HMCN2: variants seen among roughly 807,000 people sequenced by gnomAD.
HMCN2 encodes the protein hemicentin 2.
In HMCN2, 325 loss-of-function variants were observed where a neutral mutation model predicts 377.5. The ratio of observed to expected loss-of-function variants is 0.86; its 90% CI spans 0.79 to 0.94. The LOEUF (loss-of-function observed/expected upper bound fraction) is 0.94, where lower values mean the gene tolerates loss of function less well. Ranked by LOEUF, HMCN2 falls within the 40% of genes least tolerant of loss-of-function variation. The pLI is 0.00. For synonymous variants in HMCN2, 2,007 were observed against 2,046.8 expected, an observed-to-expected ratio of 0.98 and a Z score of 0.53; for missense variants, 4,543 against 4,725.3, an observed-to-expected ratio of 0.96 and a Z score of 1.13.
chr9:130,317,002 G>A (rs994274295), intron 15 of HMCN2, among the ~76,000 whole-genome samples: 3 of 152,148 alleles, frequency 2.0e-5, no homozygotes, highest in African/African-American at 7.2e-5. Flanking sequence ...AGGGATGGCT[G>A]CACAGACCCA....
In HMCN2 at chr9:130,343,210, CT is replaced by C. The variant is rs1206503898; in HGVS notation, c.3829+776del. ...TCAGCCCCCGCCACTGCCTCAGTTGCTTCTTTCGGCGTTGGGCTCCTGCATG... is the reference window on the plus strand; with the variant it reads ...TCAGCCCCCGCCACTGCCTCAGTTGCTCTTTCGGCGTTGGGCTCCTGCATG... On this transcript the variant is annotated intron_variant, in intron 25 of 97. Transcript: ENST00000683500. Among the ~76,000 whole-genome samples the C allele has an allele frequency of 4.6e-5, 7 of 152,330 alleles. No individual in the cohort carries two copies. In the East Asian group the frequency reaches 7.7e-4, roughly 17 times the overall value.
At position 130,351,436 on chromosome 9, in the gene HMCN2, G is replaced by A. The variant is rs757085886; in HGVS notation, c.4444G>A (p.Gly1482Arg). The A allele has an allele frequency of 2.3e-6, 3 of 1,304,108 alleles. No homozygotes were observed. Among genetic ancestry groups the A allele is most frequent in the Non-Finnish European group, 3.0e-6 (3 of 988,864 alleles). The allele number at this position is 1,304,108 out of a possible 1,614,324, so 80.8% of individuals were successfully genotyped here. ...WTKDRQPVLP[G>R]GPHLQVQEDG... ...CCGTCTCTCCAGGCCTGTCCTTCCG[G>A]GAGGCCCTCACCTGCAGGTCCAGGA... Residue 1482 changes from glycine to arginine, a missense_variant, in exon 30 of 98, where the codon GGA becomes AGA. Coordinates refer to ENST00000683500, the MANE Select transcript of HMCN2 (RefSeq NM_001291815.2). This position sits in a 1 kb window ranked among gnomAD's most constrained non-coding sequence, Gnocchi z 5.4.
rs907523575 is a variant in HMCN2, at chr9:130,404,788, G to A, written c.12149-81G>A. On this transcript the variant is annotated intron_variant, in intron 80 of 97. Coordinates refer to ENST00000683500, the MANE Select transcript of HMCN2 (RefSeq NM_001291815.2). Reference sequence around the variant, plus strand: ...GATGGCCAGGGAGGGCTGAAGGGCTGGGCCAAAGGCCAAGGGCCCCAGGAT... The same window carrying A: ...GATGGCCAGGGAGGGCTGAAGGGCTAGGCCAAAGGCCAAGGGCCCCAGGAT... 14 of 1,024,224 alleles carry A rather than the reference G, an allele frequency of 1.4e-5. No homozygotes were observed. The African/African-American group carries it at 2.4e-4, about 17-fold the overall frequency. The allele number at this position is 1,024,224 out of a possible 1,614,324, so 63.4% of individuals were successfully genotyped here.
intron 85 of HMCN2, among the ~76,000 whole-genome samples, chr9:130,416,096 C>CTTT (rs1554972499): frequency 3.3e-5 from 3 of 91,900 alleles, no homozygotes; most frequent in Admixed American, 1.2e-4. Context: ...GTTCTAGAGG[C>CTTT]TTTATTTTTT....
Position 130,406,132 on chromosome 9 carries a change from C to T in HMCN2, c.12517C>T (p.Arg4173Cys), listed in dbSNP as rs1028223832. Residue 4173 changes from arginine to cysteine, a missense_variant, in exon 82 of 98, where the codon CGC becomes TGC. Physicochemically the swap from Arg to Cys is radical, Grantham distance 180. Transcript: ENST00000683500. ...RCAARGSPTPRIGWTVNDRPV... is the reference protein window; with the variant it reads ...RCAARGSPTPCIGWTVNDRPV... ...TGCAGCCCGGGGCAGCCCCACCCCT[C>T]GCATTGGCTGGACTGTCAACGACCG... The T allele has an allele frequency of 2.6e-5, 34 of 1,289,724 alleles. No homozygotes were observed. Among genetic ancestry groups the T allele is most frequent in the Non-Finnish European group, 3.1e-5 (31 of 988,872 alleles). 79.9% of individuals were successfully genotyped at this position (1,289,724 alleles called of 1,614,324 possible). A position where few individuals can be genotyped will look rare whatever the true frequency, so the allele number is the denominator to read the frequency against.
intron 34 of HMCN2, among the ~76,000 whole-genome samples, chr9:130,356,551 T>C (rs1840036928): frequency 6.6e-6 from 1 of 152,246 alleles, no homozygotes; most frequent in African/African-American, 2.4e-5. Flanking sequence ...CCTCTTTCTC[T>C]TGTCTTCGTC....
At chr9:130,305,114 G>A in intron 11 of HMCN2, 112 bp downstream of exon 11, 3 of 383,620 alleles carry the variant, frequency 7.8e-6, no homozygotes, top group South Asian at 5.7e-5. Flanking sequence ...GCAGGCAATA[G>A]CAGCCTTTTC....
chr9:130,283,711 G>A (rs1253104893), intron 1 of HMCN2, among the ~76,000 whole-genome samples: 6 of 152,022 alleles, frequency 3.9e-5, no homozygotes, highest in African/African-American at 7.3e-5. Flanking sequence ...GGCTTCTCTC[G>A]CGTGGGAGGT....
intron 85 of HMCN2, among the ~76,000 whole-genome samples, chr9:130,410,973 T>C (rs1843376873): frequency 6.6e-6 from 1 of 152,180 alleles, no homozygotes; most frequent in South Asian, 2.1e-4. Flanking sequence ...AGCCTCAGAA[T>C]AACACTGTGA....
intron 93 of HMCN2, 132 bp from the exon 94 acceptor site, chr9:130,429,425 T>C: frequency 8.5e-7 from 1 of 1,172,132 alleles, no homozygotes; most frequent in Non-Finnish European, 1.2e-6. Flanking sequence ...AGGGCGGCCA[T>C]GCAGCCTGGT....
intron 41 of HMCN2, 147 bp downstream of exon 41, chr9:130,365,036 T>A: frequency 2.9e-6 from 1 of 342,950 alleles, no homozygotes; most frequent in Non-Finnish European, 4.1e-6. Flanking sequence ...CCTCGGGGCC[T>A]CCCTCAGGGC....
In HMCN2 at chr9:130,384,358, T is replaced by A; in HGVS notation, c.8831-15T>A. On this transcript the variant is annotated splice_polypyrimidine_tract_variant and intron_variant, in intron 57 of 97. Transcript: ENST00000683500. ...ATTCTCATGCCTTTCTCTACCGTGG[T>A]GGCTGTGGGGATAGTCCCGCCACGA... 1 of 1,286,894 alleles carries A rather than the reference T, an allele frequency of 7.8e-7. No individual in the cohort carries two copies. The highest frequency in any genetic ancestry group is 1.0e-6 in the Non-Finnish European group (1 of 978,102). 79.7% of individuals were successfully genotyped at this position (1,286,894 alleles called of 1,614,324 possible).
In HMCN2 at chr9:130,425,749, C is replaced by T; in HGVS notation, c.13704C>T (p.Arg4568=). ...PGQLFVGSTQ[R]FFQGGLPSFL... Reference sequence around the variant, plus strand: ...AGCTGTTCGTGGGCTCCACACAGCGCTTCTTCCAGGGCGGCCTCCCCTCGT... The same window carrying T: ...AGCTGTTCGTGGGCTCCACACAGCGTTTCTTCCAGGGCGGCCTCCCCTCGT... The change falls in exon 90 of 98, where the codon CGC becomes CGT. Residue 4568 remains arginine (R), a synonymous_variant. Transcript: ENST00000683500. 6.4e-7 allele frequency: 1 copy of T among 1,550,554 alleles called. No homozygotes were observed. The highest frequency in any genetic ancestry group is 8.7e-7 in the Non-Finnish European group (1 of 1,146,978).
At chr9:130,366,022 C>T (rs1188704877) in intron 43 of HMCN2, 27 bp downstream of exon 43, 1 of 986,024 alleles carries the variant, frequency 1.0e-6, no homozygotes, top group Non-Finnish European at 1.2e-6. Context: ...CACCCAGCCC[C>T]ACCTCATTGC....
rs981871771 is a variant in HMCN2 at position 130,384,762 on chromosome 9, G to A, written c.9070G>A (p.Gly3024Ser). 24 of 1,303,258 alleles carry A rather than the reference G, an allele frequency of 1.8e-5. No individual in the cohort carries two copies. Among genetic ancestry groups the A allele is most frequent in the South Asian group, 7.4e-5 (6 of 81,036 alleles). 80.7% of individuals were successfully genotyped at this position (1,303,258 alleles called of 1,614,324 possible). A position where few individuals can be genotyped will look rare whatever the true frequency, so the allele number is the denominator to read the frequency against. ...MYTCEALNAAGRDQKLVQLSV... is the reference protein window; with the variant it reads ...MYTCEALNAASRDQKLVQLSV... ...CACATGCGAAGCCCTCAATGCTGCC[G>A]GCCGAGACCAGAAGCTGGTGCAGCT... is the stretch of plus-strand genomic sequence containing the variant. The change falls in exon 59 of 98, where the codon GGC becomes AGC. Residue 3024 changes from glycine (G) to serine (S), a missense_variant. By Grantham distance (56) the Gly-to-Ser change is moderately conservative. Around this residue, in one of 5 missense-constraint regions of HMCN2, gnomAD observed 736 missense variants for 773.2 expected, o/e 0.95. Transcript: ENST00000683500.
intron 96 of HMCN2, among the ~76,000 whole-genome samples, chr9:130,432,204 C>T (rs1392475098): frequency 2.6e-5 from 4 of 152,202 alleles, no homozygotes; most frequent in Non-Finnish European, 2.9e-5. Flanking sequence ...GAGGCCCCCA[C>T]GGTGCCCACC....
rs928056828 is a variant in HMCN2 at position 130,320,759 on chromosome 9, G to T, written c.2648-17G>T. ...CAGGGCACCTATTGTGGCTGACACC[G>T]GCTCCTCTCCCCACAGCCCCGCCAC... On this transcript the variant is annotated splice_polypyrimidine_tract_variant and intron_variant, in intron 17 of 97. Transcript: ENST00000683500. 1.3e-5 allele frequency: 2 copies of T among 152,278 alleles called. No homozygotes were observed. The highest frequency in any genetic ancestry group is 2.9e-5 in the Non-Finnish European group (2 of 68,124). The allele number at this position is 152,278 out of a possible 1,614,324, so 9.4% of individuals were successfully genotyped here. A position where few individuals can be genotyped will look rare whatever the true frequency, so the allele number is the denominator to read the frequency against.
chr9:130,397,316 C>T (rs1038063810), intron 73 of HMCN2, among the ~76,000 whole-genome samples: 1 of 152,192 alleles, frequency 6.6e-6, no homozygotes, highest in African/African-American at 2.4e-5. Flanking sequence ...GAAAGACCCG[C>T]CCCCCAATTC....
chr9:130,428,432 C>T lies in HMCN2; in HGVS notation c.14140C>T (p.Arg4714Cys), dbSNP rs976196073. Residue 4714 changes from arginine to cysteine, a missense_variant, in exon 93 of 98, where the codon CGC becomes TGC. By Grantham distance (180) the Arg-to-Cys change is radical (BLOSUM62 -3). Transcript: ENST00000683500. This position sits in a 1 kb window ranked among gnomAD's most constrained non-coding sequence, Gnocchi z 5.0. ...QRCVNLLGSYRCLPDCGPGFR... is the reference protein window; with the variant it reads ...QRCVNLLGSYCCLPDCGPGFR... Reference sequence around the variant, plus strand: ...CTGTGTGAACCTGCTCGGGTCCTACCGCTGCCTCCCCGACTGTGGGCCTGG... The same window carrying T: ...CTGTGTGAACCTGCTCGGGTCCTACTGCTGCCTCCCCGACTGTGGGCCTGG... 6.2e-5 allele frequency: 96 copies of T among 1,546,474 alleles called. No individual in the cohort carries two copies. Among genetic ancestry groups the T allele is most frequent in the East Asian group, 6.1e-4 (25 of 40,926 alleles).
Sources: allele counts gnomAD v4.1 joint callset (sites outside exome capture counted in the v4.1 genomes callset), GRCh38; gene constraint gnomAD v4.1.1; regional missense constraint gnomAD v4.1.1; non-coding constraint Gnocchi (gnomAD v3.1); transcripts MANE v1.5; gene names NCBI Gene and HGNC (gene_info 2026-07-23, HGNC 2026-07-21).